Variants in FBXL13 observed in about 807,000 individuals in gnomAD.
FBXL13 encodes F-box and leucine-rich repeat protein 13.
Under a neutral mutation model 83.6 loss-of-function variants are expected in FBXL13, and 67 were observed. The observed-to-expected ratio is 0.80, with a 90% CI of 0.66 to 0.98. FBXL13 has a LOEUF of 0.98. Among genes scored for constraint, FBXL13 ranks in the 50% least tolerant of loss-of-function variants. FBXL13 has a pLI of 0.00. For missense variants in FBXL13, 822 were observed against 866.5 expected (o/e 0.95, Z 0.64); for synonymous variants, 272 against 299.5 (o/e 0.91, Z 0.95).
chr7:102,967,568 C>T (rs1453481965), intron 7 of FBXL13, among the ~76,000 whole-genome samples: 1 of 152,174 alleles, frequency 6.6e-6, no homozygotes, highest in Non-Finnish European at 1.5e-5. Flanking sequence ...CCACTGTGCC[C>T]AGCATAATCC....
At position 102,862,373 on chromosome 7, in the gene FBXL13, C is replaced by T. The variant is rs367683487; in HGVS notation, c.1636-7513G>A. On this transcript the variant is annotated intron_variant, in intron 16 of 19. Coordinates refer to ENST00000313221, the Ensembl canonical transcript of FBXL13. ...AAAGAAATGGACGTTTTGGAGGGTGCGCAATGATATGAATATGTTTTTTCA... is the reference window on the plus strand; with the variant it reads ...AAAGAAATGGACGTTTTGGAGGGTGTGCAATGATATGAATATGTTTTTTCA... Among the ~76,000 whole-genome samples the T allele has an allele frequency of 1.6e-4, 24 of 150,314 alleles. 1 individual carries two copies. The highest frequency in any genetic ancestry group is 4.2e-4 in the South Asian group (2 of 4,738).
rs375708846 is a variant in FBXL13 at position 102,944,200 on chromosome 7, C to T, written c.725-12267G>A. 2.5e-6 allele frequency: 4 copies of T among 1,586,754 alleles called. No individual in the cohort carries two copies. The African/African-American group carries it at 5.4e-5, about 22-fold the overall frequency. On this transcript the variant is annotated intron_variant, in intron 8 of 19. Transcript: ENST00000313221. ...ATTACTCAGGCTCAATAAATATTTT[C>T]TGTTTCCAGCCGCTTTTTTAGGGCT...
At chr7:102,867,142 C>A (rs1489175120) in intron 16 of FBXL13, among the ~76,000 whole-genome samples, 1 of 152,064 alleles carries the variant, frequency 6.6e-6, no homozygotes, top group African/African-American at 2.4e-5. Flanking sequence ...TCACTTGAGC[C>A]CAGGAGTTTC....
chr7:103,025,916 G>A lies in FBXL13; in HGVS notation c.328-686C>T, dbSNP rs1793849626. Reference sequence around the variant, plus strand: ...CCATCCTCACTCCATTTAAGTGAATGTAGAATGATTGTTAGGTCAATAAAT... The same window carrying A: ...CCATCCTCACTCCATTTAAGTGAATATAGAATGATTGTTAGGTCAATAAAT... On this transcript the variant is annotated intron_variant, in intron 5 of 19. Coordinates refer to ENST00000313221, the Ensembl canonical transcript of FBXL13. 4.0e-5 allele frequency among the ~76,000 whole-genome samples: 6 copies of A among 151,712 alleles called. No individual in the cohort carries two copies. In the South Asian group the frequency reaches 1.2e-3, roughly 31 times the overall value.
At chr7:102,886,298 A>G (rs543094175) in intron 11 of FBXL13, among the ~76,000 whole-genome samples, 1 of 152,212 alleles carries the variant, frequency 6.6e-6, no homozygotes, top group African/African-American at 2.4e-5. Flanking sequence ...TCTCCAGAAG[A>G]GTATGACAGG....
intron 6 of FBXL13, among the ~76,000 whole-genome samples, chr7:103,002,323 CTT>C (rs200629792): frequency 6.6e-6 from 1 of 151,842 alleles, no homozygotes; most frequent in Non-Finnish European, 1.5e-5. Flanking sequence ...CAATCTACCA[CTT>C]TTTTTTGTTG....
chr7:102,994,840 T>A (rs1829932020), intron 6 of FBXL13, among the ~76,000 whole-genome samples: 1 of 152,178 alleles, frequency 6.6e-6, no homozygotes, highest in Non-Finnish European at 1.5e-5. Flanking sequence ...CTGTTAGCTA[T>A]GACAACCCCA....
At chr7:102,960,873 A>AT (rs1469798739) in intron 8 of FBXL13, among the ~76,000 whole-genome samples, 11 of 151,978 alleles carry the variant, frequency 7.2e-5, no homozygotes, top group Admixed American at 6.5e-4. Flanking sequence ...CCCACAGCCA[A>AT]TATCATACTG....
At chr7:102,874,542 A>G (rs901327321) in intron 16 of FBXL13, among the ~76,000 whole-genome samples, 38 of 152,278 alleles carry the variant, frequency 2.5e-4, no homozygotes, top group Admixed American at 5.2e-4. Flanking sequence ...ACTCGAGGCC[A>G]TACTCCTAAG....
chr7:102,928,681 G>C (rs1470029516), intron 9 of FBXL13, among the ~76,000 whole-genome samples: 3 of 152,206 alleles, frequency 2.0e-5, no homozygotes, highest in Non-Finnish European at 2.9e-5. Flanking sequence ...ACTGAAAAAT[G>C]ATTAGTTTTT....
At chr7:102,977,960 G>A in intron 6 of FBXL13, among the ~76,000 whole-genome samples, 1 of 152,102 alleles carries the variant, frequency 6.6e-6, no homozygotes, top group Non-Finnish European at 1.5e-5. Context: ...GGTGGGGGGA[G>A]AGGGGACGGA....
chr7:102,852,772 C>T (rs551558228), intron 17 of FBXL13, among the ~76,000 whole-genome samples: 4 of 152,316 alleles, frequency 2.6e-5, no homozygotes, highest in East Asian at 1.9e-4. Context: ...CTATGAAAAA[C>T]AGTGTGGACA....
At chr7:103,028,868 G>A in intron 3 of FBXL13, 120 bp from the exon 5 acceptor site, 1 of 775,288 alleles carries the variant, frequency 1.3e-6, no homozygotes, top group Non-Finnish European at 1.8e-6. Flanking sequence ...CCACAGCATA[G>A]AAAGAAACTT....
chr7:103,039,356 T>C (rs1795417486), intron 2 of FBXL13, among the ~76,000 whole-genome samples: 1 of 152,230 alleles, frequency 6.6e-6, no homozygotes, highest in South Asian at 2.1e-4. Context: ...TTGATTGGTG[T>C]ACTGGAAAGT....
chr7:103,017,992 C>T (rs1306647460), intron 6 of FBXL13, among the ~76,000 whole-genome samples: 1 of 151,964 alleles, frequency 6.6e-6, no homozygotes, highest in Non-Finnish European at 1.5e-5. Context: ...AGATACTCCT[C>T]GAGAAGAGCA....
intron 18 of FBXL13, among the ~76,000 whole-genome samples, chr7:102,831,079 T>C (rs1196973813): frequency 6.6e-6 from 1 of 152,136 alleles, no homozygotes; most frequent in African/African-American, 2.4e-5. Context: ...TTTTAGGTCT[T>C]TCATCTTGGG....
At chr7:102,954,072 G>A (rs1388338311) in intron 8 of FBXL13, among the ~76,000 whole-genome samples, 3 of 152,100 alleles carry the variant, frequency 2.0e-5, no homozygotes, top group African/African-American at 7.2e-5. Flanking sequence ...ATCTCACTGG[G>A]ACTGGTTGGA....
At chr7:102,920,366 C>T (rs778007098) in intron 10 of FBXL13, among the ~76,000 whole-genome samples, 3 of 151,342 alleles carry the variant, frequency 2.0e-5, no homozygotes, top group Non-Finnish European at 2.9e-5. Context: ...TAAAACCATA[C>T]ACTCAGTTTT....
At chr7:102,949,563 A>G (rs1025802402) in intron 8 of FBXL13, among the ~76,000 whole-genome samples, 3 of 152,188 alleles carry the variant, frequency 2.0e-5, no homozygotes, top group African/African-American at 7.2e-5. Context: ...AGTAAATTAA[A>G]AATATTACCA....
Sources: allele counts gnomAD v4.1 joint callset (sites outside exome capture counted in the v4.1 genomes callset), GRCh38; gene constraint gnomAD v4.1.1; transcripts MANE v1.5; gene names NCBI Gene and HGNC (gene_info 2026-07-23, HGNC 2026-07-21).